Variants in MSRB3 observed in about 807,000 individuals in gnomAD.
MSRB3 encodes the protein methionine sulfoxide reductase B3, also known as methionine-R-sulfoxide reductase B3.
A neutral mutation model predicts 21.0 loss-of-function variants in MSRB3; 13 were observed. That is an observed-to-expected ratio of 0.62 (90% CI 0.40 to 0.98). The LOEUF (loss-of-function observed/expected upper bound fraction) is 0.98. Ranked by LOEUF, MSRB3 falls within the 50% of genes least tolerant of loss-of-function variation. The pLI is 0.00. For synonymous variants in MSRB3, 87 were observed against 88.6 expected (o/e 0.98, Z 0.10); for missense variants, 199 against 230.3 (o/e 0.86, Z 0.88).
At chr12:65,453,578 T>C in intron 5 of MSRB3, 150 bp from the exon 6 acceptor site, 1 of 705,476 alleles carries the variant, frequency 1.4e-6, no homozygotes, top group East Asian at 2.7e-5. Context: ...ATATTTTCCT[T>C]CAGCTTTTGA....
intron 2 of MSRB3, among the ~76,000 whole-genome samples, chr12:65,323,524 T>C (rs1422973285): frequency 1.3e-5 from 2 of 152,166 alleles, no homozygotes; most frequent in Non-Finnish European, 2.9e-5. Flanking sequence ...CTATTAAACA[T>C]TTAAATAAAG....
At chr12:65,347,809 T>A (rs181137689) in intron 4 of MSRB3, among the ~76,000 whole-genome samples, 1 of 152,356 alleles carries the variant, frequency 6.6e-6, no homozygotes, top group East Asian at 1.9e-4. Context: ...TGTTGAATTT[T>A]CTCAAAGGCC....
rs116285406 is a variant in MSRB3 at position 65,433,938 on chromosome 12, C to T, written c.293-19790C>T. On this transcript the variant is annotated intron_variant, in intron 5 of 6. Transcript: ENST00000308259. Reference sequence around the variant, plus strand: ...ATCTGCAGGGAGTACTTGATCTCTTCCTTTATTTTCAAAGATCTTGGCATA... The same window carrying T: ...ATCTGCAGGGAGTACTTGATCTCTTTCTTTATTTTCAAAGATCTTGGCATA... Among the ~76,000 whole-genome samples the T allele has an allele frequency of 1.1e-3, 162 of 151,900 alleles. 1 individual carries two copies. Among genetic ancestry groups the T allele is most frequent in the African/African-American group, 3.5e-3 (147 of 41,470 alleles).
rs529825816 is a variant in MSRB3, at chr12:65,372,513, G to A, written c.292+3487G>A. Among the ~76,000 whole-genome samples the A allele has an allele frequency of 7.2e-5, 11 of 152,254 alleles. No individual in the cohort carries two copies. In the East Asian group the frequency reaches 1.3e-3, roughly 19 times the overall value. ...GGTTTCCATTTTATACCTTTTCCTA[G>A]TTGATGTACTAATGTTGGCTTGCCT... On this transcript the variant is annotated intron_variant, in intron 5 of 6. Coordinates refer to ENST00000308259, the MANE Select transcript of MSRB3 (RefSeq NM_001031679.3).
chr12:65,428,931 T>G (rs1163641862), intron 5 of MSRB3, among the ~76,000 whole-genome samples: 5 of 152,188 alleles, frequency 3.3e-5, no homozygotes, highest in African/African-American at 1.2e-4. Flanking sequence ...CTACTAGAAT[T>G]ATATGCCCCT....
At chr12:65,395,518 A>G in intron 5 of MSRB3, among the ~76,000 whole-genome samples, 1 of 152,110 alleles carries the variant, frequency 6.6e-6, no homozygotes, top group Non-Finnish European at 1.5e-5. Flanking sequence ...CAAGTTCATC[A>G]GGGTTGCAGA....
chr12:65,355,919 C>A (rs574017391), intron 4 of MSRB3, among the ~76,000 whole-genome samples: 3 of 151,974 alleles, frequency 2.0e-5, no homozygotes, highest in African/African-American at 7.2e-5. Context: ...GCTTTATGGG[C>A]TGAATTATGG....
intron 1 of MSRB3, chr12:65,285,928 A>G (rs1872317892): frequency 6.6e-6 from 1 of 152,256 alleles, no homozygotes; most frequent in Non-Finnish European, 1.5e-5. Context: ...TATATTATTC[A>G]TAACATTTGT....
chr12:65,348,948 T>C (rs1323452681), intron 4 of MSRB3, among the ~76,000 whole-genome samples: 1 of 152,132 alleles, frequency 6.6e-6, no homozygotes, highest in East Asian at 1.9e-4. Flanking sequence ...AGGGTACATG[T>C]GCACAATGTG....
intron 6 of MSRB3, among the ~76,000 whole-genome samples, chr12:65,462,109 C>T (rs1213883862): frequency 1.3e-5 from 2 of 152,206 alleles, no homozygotes; most frequent in African/African-American, 4.8e-5. Context: ...ATAGCAGGCA[C>T]TCCATTAATA....
intron 4 of MSRB3, among the ~76,000 whole-genome samples, chr12:65,364,651 A>G (rs1039126278): frequency 3.9e-5 from 6 of 151,994 alleles, no homozygotes; most frequent in African/African-American, 1.2e-4. Flanking sequence ...TTCTTTTTAC[A>G]TTTGCCGTAT....
intron 4 of MSRB3, among the ~76,000 whole-genome samples, chr12:65,362,407 T>G (rs918024254): frequency 4.6e-5 from 7 of 152,190 alleles, no homozygotes; most frequent in African/African-American, 1.7e-4. Flanking sequence ...GTGCTTCTCC[T>G]TGTACCAGTC....
chr12:65,376,189 G>A (rs1469768915), intron 5 of MSRB3, among the ~76,000 whole-genome samples: 3 of 146,188 alleles, frequency 2.1e-5, no homozygotes, highest in African/African-American at 5.1e-5. Flanking sequence ...GCGCCGTCTC[G>A]GCTCACTGCA....
Position 65,323,480 on chromosome 12 carries a change from G to GTACACACA in MSRB3, c.77-3345_77-3338dup, listed in dbSNP as rs142311542. On this transcript the variant is annotated intron_variant, in intron 2 of 6. Coordinates refer to ENST00000308259, the MANE Select transcript of MSRB3 (RefSeq NM_001031679.3). Reference sequence around the variant, plus strand: ...AAATATGTAATTGTGTTACATGTGTGTACACACACACTCACTTGTGCCTTC... The same window carrying GTACACACA: ...AAATATGTAATTGTGTTACATGTGTGTACACACATACACACACACTCACTTGTGCCTTC... 8.1e-3 allele frequency among the ~76,000 whole-genome samples: 1,230 copies of GTACACACA among 152,260 alleles called. 17 individuals are homozygous for GTACACACA. The highest frequency in any genetic ancestry group is 0.029 in the African/African-American group (1,189 of 41,540).
In MSRB3 at chr12:65,465,959, C is replaced by T. The variant is rs1420314854; in HGVS notation, c.*2637C>T. ...CACACACAGCACCTCTCGGCTGCTC[C>T]AGCTCTGTAGGATAGCCTCCCCTGG... On this transcript the variant is annotated 3_prime_UTR_variant, in exon 7 of 7. Transcript: ENST00000308259. 2.6e-5 allele frequency: 4 copies of T among 152,164 alleles called. No homozygotes were observed. In the East Asian group the frequency reaches 7.7e-4, roughly 29 times the overall value. 9.4% of individuals were successfully genotyped at this position (152,164 alleles called of 1,614,324 possible).
intron 5 of MSRB3, among the ~76,000 whole-genome samples, chr12:65,420,306 T>G (rs1881218827): frequency 6.6e-6 from 1 of 151,808 alleles, no homozygotes; most frequent in Admixed American, 6.6e-5. Flanking sequence ...TGTAGCAGAT[T>G]TTAAAATCTG....
rs1213558051 is a variant in MSRB3, at chr12:65,286,639, CAAAAACAT to C, written c.-52+7775_-52+7782del. On this transcript the variant is annotated intron_variant, in intron 1 of 6. Transcript: ENST00000308259. The stretch of plus-strand genomic sequence containing the variant: ...TTGGGTCACTTATTTTATTTAAAGA[CAAAAACAT>C]CTTTCAGTACATATGTAAGACTTAA... 2.0e-5 allele frequency: 3 copies of C among 149,754 alleles called. No homozygotes were observed. The East Asian group carries it at 5.9e-4, about 29-fold the overall frequency. The allele number at this position is 149,754 out of a possible 1,614,324, so 9.3% of individuals were successfully genotyped here. A position where few individuals can be genotyped will look rare whatever the true frequency, so the allele number is the denominator to read the frequency against.
At chr12:65,374,741 C>T (rs1041161743) in intron 5 of MSRB3, among the ~76,000 whole-genome samples, 2 of 152,192 alleles carry the variant, frequency 1.3e-5, no homozygotes, top group Admixed American at 6.5e-5. Flanking sequence ...TGAGAACACA[C>T]TGACAAATAT....
At chr12:65,460,736 CTTT>C (rs869050828) in intron 6 of MSRB3, among the ~76,000 whole-genome samples, 19 of 132,938 alleles carry the variant, frequency 1.4e-4, no homozygotes, top group Admixed American at 3.0e-4. Context: ...CTCTTCCTCA[CTTT>C]TTTTTTTTTT....
Sources: gnomAD v4.1 joint callset for allele counts (sites outside exome capture counted in the v4.1 genomes callset) on GRCh38, gnomAD v4.1.1 for gene constraint, MANE v1.5 for transcripts, NCBI Gene and HGNC (gene_info 2026-07-23, HGNC 2026-07-21) for gene names.